Variants in RO60 observed in about 807,000 individuals in gnomAD.
The protein encoded by RO60 is Ro60, Y RNA binding protein, also known as RNA-binding protein RO60.
RO60 carries 20 observed loss-of-function variants against 55.3 expected under a neutral mutation model. That is an observed-to-expected ratio of 0.36 (90% CI 0.25 to 0.53). RO60 has a LOEUF of 0.53. Ranked by LOEUF, RO60 falls within the 20% of genes least tolerant of loss-of-function variation. The pLI is 0.92. For missense variants in RO60, 558 were observed against 646.6 expected (o/e 0.86, Z 1.49); for synonymous variants, 213 against 213.6 (o/e 1.00, Z 0.02).
rs762375281 is a variant in RO60 at position 193,069,192 on chromosome 1, T to C, written c.138T>C (p.Tyr46=). 167 of 1,614,104 alleles carry C rather than the reference T, an allele frequency of 1.0e-4. No individual in the cohort carries two copies. The highest frequency in any genetic ancestry group is 1.4e-4 in the Non-Finnish European group (164 of 1,180,044). ...GTTTCGGTTCTGAAGGTGGGACTTA[T>C]TATATCAAAGAACAGAAGTTGGGCC... The part of the protein sequence containing the change: ...FLCFGSEGGT[Y]YIKEQKLGLE... The change falls in exon 2 of 9, where the codon TAT becomes TAC. Residue 46 remains tyrosine, a synonymous_variant. Transcript: ENST00000400968.
rs149881404 is a variant in RO60, at chr1:193,085,023, C to T, written c.*292C>T. 4.2e-4 allele frequency: 650 copies of T among 1,542,638 alleles called. 4 individuals are homozygous for T. In the African/African-American group the frequency reaches 7.9e-3, roughly 19 times the overall value. ...AATAGTTTTGCTTTGTTGAATAATA[C>T]GTGTGTACCTAAAAGAGGTAAGAGC... On this transcript the variant is annotated 3_prime_UTR_variant, in exon 9 of 9. Coordinates refer to ENST00000400968, the MANE Select transcript of RO60 (RefSeq NM_001173524.2).
At chr1:193,082,852 C>T (rs1674410298) in intron 8 of RO60, 144 bp downstream of exon 8, 2 of 626,364 alleles carry the variant, frequency 3.2e-6, no homozygotes, top group South Asian at 4.8e-5. Flanking sequence ...GCAACCTCAA[C>T]CTCCCAGGCT....
chr1:193,060,162 G>A, intron 1 of RO60: 1 of 1,139,770 alleles, frequency 8.8e-7, no homozygotes. Context: ...TTTGGAAGAA[G>A]GATCTTTGTG....
Position 193,083,562 on chromosome 1 carries a change from C to CA in RO60, c.1464+857dup, listed in dbSNP as rs575742332. 1.5e-3 allele frequency among the ~76,000 whole-genome samples: 230 copies of CA among 152,180 alleles called. 1 individual carries two copies. Among genetic ancestry groups the CA allele is most frequent in the African/African-American group, 4.8e-3 (200 of 41,514 alleles). On this transcript the variant is annotated intron_variant, in intron 8 of 8. Transcript: ENST00000400968. ...CTTGTTGATGAAGAGTAGTGGTTCT[C>CA]AAAGTGTGGTTTCCCTACCAGCAGT...
Position 193,061,852 on chromosome 1 carries a change from C to G in RO60, c.-22+2076C>G, listed in dbSNP as rs536025586. 6.4e-4 allele frequency among the ~76,000 whole-genome samples: 97 copies of G among 152,138 alleles called. 2 individuals are homozygous for G. In the South Asian group the frequency reaches 0.019, roughly 30 times the overall value. On this transcript the variant is annotated intron_variant, in intron 1 of 8. Coordinates refer to ENST00000400968, the MANE Select transcript of RO60 (RefSeq NM_001173524.2). Reference sequence around the variant, plus strand: ...ACAAAAAATTAGCCGGGTGCGGTGGCAGGCGCCTGTAATCCCAGCTACTCA... The same window carrying G: ...ACAAAAAATTAGCCGGGTGCGGTGGGAGGCGCCTGTAATCCCAGCTACTCA...
chr1:193,063,040 G>A (rs561040011), intron 1 of RO60, among the ~76,000 whole-genome samples: 1 of 152,088 alleles, frequency 6.6e-6, no homozygotes, highest in Non-Finnish European at 1.5e-5. Flanking sequence ...ATTTTTCTTA[G>A]GTGTGTGGTA....
chr1:193,074,245 T>C lies in RO60; in HGVS notation c.581-1575T>C, dbSNP rs2103048218. Among the ~76,000 whole-genome samples the C allele has an allele frequency of 2.0e-5, 3 of 152,344 alleles. No individual in the cohort carries two copies. The South Asian group carries it at 6.2e-4, about 32-fold the overall frequency. On this transcript the variant is annotated intron_variant, in intron 2 of 8. Transcript: ENST00000400968. ...AGCATGATTTATAATCCTTTGGGTA[T>C]ATACCCCGTAATGGGATTGCTTGGT...
rs1225472626 is a variant in RO60, at chr1:193,059,892, C to T, written c.-22+116C>T. On this transcript the variant is annotated intron_variant, in intron 1 of 8. Coordinates refer to ENST00000400968, the MANE Select transcript of RO60 (RefSeq NM_001173524.2). This position sits in a 1 kb window ranked among gnomAD's most constrained non-coding sequence, Gnocchi z 4.9. ...ATCCCAGGGGTTGAGGCTGGGCAAA[C>T]GCCGCGAAACTATCGCTCTTCCCCG... The T allele has an allele frequency of 7.3e-7, 1 of 1,365,450 alleles. No individual in the cohort carries two copies. 84.6% of individuals were successfully genotyped at this position (1,365,450 alleles called of 1,614,324 possible). A position where few individuals can be genotyped will look rare whatever the true frequency, so the allele number is the denominator to read the frequency against.
rs145994077 is a variant in RO60 at position 193,086,993 on chromosome 1, C to T, written c.*2262C>T. 6.6e-6 allele frequency: 1 copy of T among 152,088 alleles called. No individual in the cohort carries two copies. Among genetic ancestry groups the T allele is most frequent in the African/African-American group, 2.4e-5 (1 of 41,424 alleles). The allele number at this position is 152,088 out of a possible 1,614,324, so 9.4% of individuals were successfully genotyped here. On this transcript the variant is annotated 3_prime_UTR_variant, in exon 9 of 9. Coordinates refer to ENST00000400968, the MANE Select transcript of RO60 (RefSeq NM_001173524.2). The stretch of plus-strand genomic sequence containing the variant: ...CCTAGAAATCTTGGTCTCTTCATTC[C>T]TGTGCCAGAATTTATTTCCCCACAA...
intron 1 of RO60, among the ~76,000 whole-genome samples, chr1:193,064,048 C>T (rs1231653657): frequency 6.6e-6 from 1 of 152,048 alleles, no homozygotes; most frequent in Non-Finnish European, 1.5e-5. Context: ...ACACATATGG[C>T]AAGGTCTGGG....
chr1:193,075,738 A>G lies in RO60; in HGVS notation c.581-82A>G, dbSNP rs899410532. ...TCTTGTGTATCCAGTTATGTTGATC[A>G]TATAATGCATTTTGAGGAAACATGT... is the stretch of plus-strand genomic sequence containing the variant. On this transcript the variant is annotated intron_variant, in intron 2 of 8. Coordinates refer to ENST00000400968, the MANE Select transcript of RO60 (RefSeq NM_001173524.2). The G allele has an allele frequency of 1.5e-5, 15 of 1,013,954 alleles. No individual in the cohort carries two copies. In the African/African-American group the frequency reaches 1.8e-4, roughly 12 times the overall value. 62.8% of individuals were successfully genotyped at this position (1,013,954 alleles called of 1,614,324 possible).
At chr1:193,073,143 A>G (rs1371135941) in intron 2 of RO60, among the ~76,000 whole-genome samples, 1 of 152,234 alleles carries the variant, frequency 6.6e-6, no homozygotes, top group African/African-American at 2.4e-5. Flanking sequence ...ACCGGGTAGG[A>G]TAAAACTGCT....
chr1:193,070,570 A>G (rs1415320568), intron 2 of RO60: 1 of 445,490 alleles, frequency 2.2e-6, no homozygotes, highest in East Asian at 7.0e-5. Flanking sequence ...TTGAAAAGAC[A>G]GCCACTCAGA....
intron 2 of RO60, chr1:193,070,543 T>C (rs1673417862): frequency 4.7e-6 from 2 of 425,676 alleles, no homozygotes; most frequent in African/African-American, 2.1e-5. Context: ...TTTTTTTTTT[T>C]GCACCGGAAG....
rs1674691734 is a variant in RO60, at chr1:193,088,034, A to G, written c.*3303A>G. 2 of 151,842 alleles carry G rather than the reference A, an allele frequency of 1.3e-5. No individual in the cohort carries two copies. 9.4% of individuals were successfully genotyped at this position (151,842 alleles called of 1,614,324 possible). Reference sequence around the variant, plus strand: ...CTGTTAACAAACTTTTTTTTTTGAGACAGGCTATCCCTCTGTCACCCAGGC... The same window carrying G: ...CTGTTAACAAACTTTTTTTTTTGAGGCAGGCTATCCCTCTGTCACCCAGGC... On this transcript the variant is annotated 3_prime_UTR_variant, in exon 9 of 9. Transcript: ENST00000400968.
At chr1:193,072,472 A>G (rs537189040) in intron 2 of RO60, among the ~76,000 whole-genome samples, 18 of 148,764 alleles carry the variant, frequency 1.2e-4, no homozygotes, top group African/African-American at 4.2e-4. Context: ...CTGGCACACT[A>G]AAGTTTTGAA....
chr1:193,082,501 T>G (rs1674380366), intron 7 of RO60, 61 bp from the exon 8 acceptor site: 1 of 1,569,722 alleles, frequency 6.4e-7, no homozygotes, highest in Non-Finnish European at 8.7e-7. Context: ...AATGATACTG[T>G]AAAAACTAGT....
chr1:193,060,038 G>A, intron 1 of RO60: 1 of 1,345,740 alleles, frequency 7.4e-7, no homozygotes. Context: ...GACCGCTCCT[G>A]CTTGTCGGCA....
downstream of RO60, chr1:193,091,574 A>C: frequency 1.7e-6 from 2 of 1,177,884 alleles, no homozygotes; most frequent in Non-Finnish European, 1.3e-6. Context: ...GAATGAATGA[A>C]TATATTAATG....
Sources: gnomAD v4.1 joint callset for allele counts (sites outside exome capture counted in the v4.1 genomes callset) on GRCh38, gnomAD v4.1.1 for gene constraint, Gnocchi (gnomAD v3.1) non-coding constraint, MANE v1.5 for transcripts, NCBI Gene and HGNC (gene_info 2026-07-23, HGNC 2026-07-21) for gene names.